Variants in TRDMT1 observed in about 807,000 individuals in gnomAD.
The protein encoded by TRDMT1 is tRNA aspartic acid methyltransferase 1, also known as tRNA (cytosine(38)-C(5))-methyltransferase.
TRDMT1 carries 49 observed loss-of-function variants against 51.2 expected under a neutral mutation model. The ratio of observed to expected loss-of-function variants is 0.96; its 90% confidence interval spans 0.76 to 1.21. TRDMT1 has a LOEUF of 1.21. Among genes scored for constraint, TRDMT1 ranks in the 50% most tolerant of loss-of-function variants. The pLI is 0.00. For missense variants in TRDMT1, 534 were observed against 462.3 expected (o/e 1.16, Z -1.42); for synonymous variants, 187 against 164.6 (o/e 1.14, Z -1.04).
chr10:17,180,365 A>T (rs920144217), intron 1 of TRDMT1, among the ~76,000 whole-genome samples: 5 of 151,962 alleles, frequency 3.3e-5, no homozygotes, highest in Admixed American at 6.6e-5. Flanking sequence ...ACATGGCAAA[A>T]CCCCGTCTCT....
chr10:17,147,247 A>G lies in TRDMT1; in HGVS notation c.*1793T>C. The G allele has an allele frequency of 4.1e-6, 4 of 985,790 alleles. No individual in the cohort carries two copies. Among genetic ancestry groups the G allele is most frequent in the South Asian group, 9.4e-5 (2 of 21,284 alleles). 61.1% of individuals were successfully genotyped at this position (985,790 alleles called of 1,614,324 possible). ...GTGATTGTTTACTGAAATTTATGAG[A>G]CTTGTAATAGGCTCTGTCTGAACAC... is the stretch of plus-strand genomic sequence containing the variant. On this transcript the variant is annotated 3_prime_UTR_variant, in exon 11 of 11. Coordinates refer to ENST00000377799, the MANE Select transcript of TRDMT1 (RefSeq NM_004412.7).
At chr10:17,178,679 A>G (rs1364569661) in intron 1 of TRDMT1, among the ~76,000 whole-genome samples, 1 of 88,206 alleles carries the variant, frequency 1.1e-5, no homozygotes, top group African/African-American at 8.2e-5. Context: ...CTGTCTCGGA[A>G]AAAAAAAAAA....
chr10:17,152,537 C>A (rs1838885152), intron 10 of TRDMT1, among the ~76,000 whole-genome samples: 1 of 152,214 alleles, frequency 6.6e-6, no homozygotes, highest in Non-Finnish European at 1.5e-5. Context: ...GACTTTTCTG[C>A]ATTCAAACTC....
At chr10:17,179,754 T>TAAAAAA (rs10709345) in intron 1 of TRDMT1, among the ~76,000 whole-genome samples, 3 of 127,040 alleles carry the variant, frequency 2.4e-5, no homozygotes, top group African/African-American at 5.8e-5. Flanking sequence ...TCTCTACTAA[T>TAAAAAA]AAAAAAAAAA....
intron 3 of TRDMT1, among the ~76,000 whole-genome samples, chr10:17,168,432 T>A (rs1841504693): frequency 6.6e-6 from 1 of 152,222 alleles, no homozygotes; most frequent in African/African-American, 2.4e-5. Context: ...TACAGTATGA[T>A]CTGATTTAGT....
At chr10:17,156,932 T>G (rs1839599501) in intron 8 of TRDMT1, among the ~76,000 whole-genome samples, 1 of 152,174 alleles carries the variant, frequency 6.6e-6, no homozygotes, top group South Asian at 2.1e-4. Flanking sequence ...AAGGGAGTCT[T>G]ACAATCTTAG....
chr10:17,168,650 ATC>A (rs1276998149), intron 3 of TRDMT1, among the ~76,000 whole-genome samples, 189 bp downstream of exon 3: 1 of 152,096 alleles, frequency 6.6e-6, no homozygotes, highest in African/African-American at 2.4e-5. Context: ...CCTGCACAAC[ATC>A]TCTCTCTTTA....
chr10:17,151,087 G>C (rs995238937), intron 10 of TRDMT1: 1 of 829,854 alleles, frequency 1.2e-6, no homozygotes. Flanking sequence ...TGCAGTTTTT[G>C]CCACTGAAAG....
In TRDMT1 at chr10:17,143,920, T is replaced by C. The variant is rs1159075138; in HGVS notation, c.*5120A>G. 2.9e-5 allele frequency: 28 copies of C among 965,716 alleles called. No homozygotes were observed. Among genetic ancestry groups the C allele is most frequent in the Non-Finnish European group, 3.3e-5 (27 of 811,968 alleles). The allele number at this position is 965,716 out of a possible 1,614,324, so 59.8% of individuals were successfully genotyped here. ...TAGGTTGCAAGCATGCTAAATTTGA[T>C]GCAAATCCGATACAACTTGAATAGC... On this transcript the variant is annotated 3_prime_UTR_variant, in exon 11 of 11. Coordinates refer to ENST00000377799, the MANE Select transcript of TRDMT1 (RefSeq NM_004412.7).
In TRDMT1 at chr10:17,157,473, G is replaced by A; in HGVS notation, c.855C>T (p.Pro285=). ...TAAAGCACACGGACCTTCTACAAGT[G>A]GGCTGAACAATGTCTAACAGAAGAG... The part of the protein sequence containing the change: ...RYALLLDIVQ[P]TCRRSVCFTK... The change falls in exon 8 of 11, where the codon CCC becomes CCT. Residue 285 remains proline, a synonymous_variant. Transcript: ENST00000377799. 6.2e-7 allele frequency: 1 copy of A among 1,612,460 alleles called. No individual in the cohort carries two copies. The highest frequency in any genetic ancestry group is 8.5e-7 in the Non-Finnish European group (1 of 1,178,584).
intron 5 of TRDMT1, among the ~76,000 whole-genome samples, chr10:17,160,684 G>A (rs1490838538): frequency 6.6e-6 from 1 of 152,050 alleles, no homozygotes; most frequent in Non-Finnish European, 1.5e-5. Flanking sequence ...TCTTGGCCAG[G>A]CTGGTCTAGA....
intron 1 of TRDMT1, among the ~76,000 whole-genome samples, chr10:17,189,337 C>A (rs1844379915): frequency 6.6e-6 from 1 of 152,016 alleles, no homozygotes; most frequent in African/African-American, 2.4e-5. Context: ...TAGCGAAAAA[C>A]CCTTGGATTT....
At chr10:17,155,441 T>A (rs1208921410) in intron 8 of TRDMT1, among the ~76,000 whole-genome samples, 1 of 152,188 alleles carries the variant, frequency 6.6e-6, no homozygotes, top group African/African-American at 2.4e-5. Context: ...AAGAAATTGC[T>A]GCCATTTTTA....
chr10:17,140,871 G>T lies in TRDMT1; in HGVS notation c.*8169C>A, dbSNP rs181497358. Among the ~76,000 whole-genome samples, 4 of 151,994 alleles carry T rather than the reference G, an allele frequency of 2.6e-5. No homozygotes were observed. In the South Asian group the frequency reaches 6.2e-4, roughly 24 times the overall value. On this transcript the variant is annotated 3_prime_UTR_variant, in exon 11 of 11. Coordinates refer to ENST00000377799, the MANE Select transcript of TRDMT1 (RefSeq NM_004412.7). ...TCACAGTTATAATCATTAGCTATAC[G>T]TTAGGTGTCTTCCTTTCATCTTTGA...
chr10:17,170,551 C>T (rs1439218175), intron 2 of TRDMT1, among the ~76,000 whole-genome samples: 3 of 152,150 alleles, frequency 2.0e-5, no homozygotes, highest in African/African-American at 7.2e-5. Context: ...AGAAAGTTTT[C>T]TGGCTATTCT....
At chr10:17,190,927 C>G (rs1844602957) in intron 1 of TRDMT1, among the ~76,000 whole-genome samples, 1 of 152,104 alleles carries the variant, frequency 6.6e-6, no homozygotes, top group East Asian at 1.9e-4. Flanking sequence ...AAACTAAAAA[C>G]CAGAGCAAGA....
At chr10:17,197,702 T>A (rs956406110) in intron 1 of TRDMT1, among the ~76,000 whole-genome samples, 1 of 152,040 alleles carries the variant, frequency 6.6e-6, no homozygotes, top group Non-Finnish European at 1.5e-5. Flanking sequence ...GACACTTCTC[T>A]GTATTGAAGA....
At chr10:17,189,236 T>G (rs1844359973) in intron 1 of TRDMT1, among the ~76,000 whole-genome samples, 1 of 152,220 alleles carries the variant, frequency 6.6e-6, no homozygotes, top group Non-Finnish European at 1.5e-5. Flanking sequence ...TATATATATT[T>G]GTATTTTGTT....
chr10:17,165,217 T>A (rs1353481633), intron 3 of TRDMT1, among the ~76,000 whole-genome samples: 1 of 151,884 alleles, frequency 6.6e-6, no homozygotes, highest in Non-Finnish European at 1.5e-5. Flanking sequence ...ATAATGCCAC[T>A]TATCTACAAC....
Sources: gnomAD v4.1 joint callset for allele counts (sites outside exome capture counted in the v4.1 genomes callset) on GRCh38, gnomAD v4.1.1 for gene constraint, MANE v1.5 for transcripts, NCBI Gene and HGNC (gene_info 2026-07-23, HGNC 2026-07-21) for gene names.